PARD3: variants seen among roughly 807,000 people sequenced by gnomAD.
PARD3 encodes the protein partitioning defective 3 homolog.
Under a neutral mutation model 155.4 loss-of-function variants are expected in PARD3, and 75 were observed. The ratio of observed to expected loss-of-function variants is 0.48; its 90% CI spans 0.40 to 0.58. PARD3 has a LOEUF of 0.58. Ranked by LOEUF, PARD3 falls within the 20% of genes least tolerant of loss-of-function variation. The pLI, the probability that PARD3 is intolerant of heterozygous loss-of-function variation, is 0.00. For synonymous variants in PARD3, 576 were observed against 610.5 expected, an observed-to-expected ratio of 0.94 and a Z score of 0.83; for missense variants, 1,642 against 1,721.7, an observed-to-expected ratio of 0.95 and a Z score of 0.82.
intron 3 of PARD3, among the ~76,000 whole-genome samples, chr10:34,477,352 G>T (rs894362464): frequency 6.6e-6 from 1 of 152,162 alleles, no homozygotes; most frequent in Non-Finnish European, 1.5e-5. Context: ...CAAAGACAAG[G>T]ATCTTCAATA....
chr10:34,785,483 C>T (rs927126179), intron 1 of PARD3, among the ~76,000 whole-genome samples: 2 of 151,984 alleles, frequency 1.3e-5, no homozygotes, highest in East Asian at 1.9e-4. Flanking sequence ...CAGTGGCTCA[C>T]GTCTGTAATC....
intron 2 of PARD3, among the ~76,000 whole-genome samples, chr10:34,560,580 G>C (rs1448784150): frequency 6.6e-6 from 1 of 152,174 alleles, no homozygotes; most frequent in African/African-American, 2.4e-5. Flanking sequence ...TTTACTAAAT[G>C]TCTGTAATAT....
At chr10:34,762,298 G>C (rs371741130) in intron 1 of PARD3, among the ~76,000 whole-genome samples, 1 of 129,124 alleles carries the variant, frequency 7.7e-6, no homozygotes, top group Non-Finnish European at 1.7e-5. Flanking sequence ...GACAGAGAGA[G>C]AGAGAGAGAG....
intron 20 of PARD3, among the ~76,000 whole-genome samples, chr10:34,293,433 T>C (rs1040782923): frequency 2.6e-5 from 4 of 152,146 alleles, no homozygotes; most frequent in African/African-American, 9.7e-5. Context: ...TCACATTATA[T>C]TTCTGTTTCT....
At chr10:34,750,030 T>TAC (rs71984849) in intron 1 of PARD3, among the ~76,000 whole-genome samples, 9,244 of 140,630 alleles carry the variant, frequency 0.066, 319 homozygotes, top group Middle Eastern at 0.086. Context: ...TCAAAAAAAG[T>TAC]ACACACACAC....
intron 22 of PARD3, among the ~76,000 whole-genome samples, chr10:34,259,631 T>A (rs889745730): frequency 2.0e-5 from 3 of 152,128 alleles, no homozygotes; most frequent in Non-Finnish European, 2.9e-5. Flanking sequence ...AATTAGGGCG[T>A]GGGCATCTTT....
chr10:34,221,080 G>A (rs1347405962), intron 22 of PARD3, among the ~76,000 whole-genome samples: 2 of 152,198 alleles, frequency 1.3e-5, no homozygotes, highest in African/African-American at 2.4e-5. Context: ...GACCTCCTCC[G>A]TGGGTGTGCA....
intron 22 of PARD3, among the ~76,000 whole-genome samples, chr10:34,261,132 T>A (rs1354405472): frequency 6.6e-6 from 1 of 152,164 alleles, no homozygotes; most frequent in Non-Finnish European, 1.5e-5. Context: ...CCATTATATT[T>A]GAGGACAATG....
chr10:34,684,061 C>T lies in PARD3; in HGVS notation c.222+12257G>A, dbSNP rs535534884. On this transcript the variant is annotated intron_variant, in intron 2 of 24. Coordinates refer to ENST00000374788, the MANE Select transcript of PARD3 (RefSeq NM_001184785.2). The stretch of plus-strand genomic sequence containing the variant: ...CAATTTATACAAGTTATTTCATTTC[C>T]AGGTTATCAAAATCTTTAAATCATT... Among the ~76,000 whole-genome samples, 64 of 152,214 alleles carry T rather than the reference C, an allele frequency of 4.2e-4. 1 individual carries two copies. The South Asian group carries it at 0.01, about 24-fold the overall frequency.
intron 1 of PARD3, among the ~76,000 whole-genome samples, chr10:34,801,647 A>G (rs932072859): frequency 3.9e-5 from 6 of 152,200 alleles, no homozygotes; most frequent in East Asian, 1.9e-4. Context: ...TAGCCAAACT[A>G]AAGTATTAAA....
At chr10:34,655,607 C>T (rs532774808) in intron 2 of PARD3, among the ~76,000 whole-genome samples, 2 of 152,222 alleles carry the variant, frequency 1.3e-5, no homozygotes, top group East Asian at 3.9e-4. Flanking sequence ...CTACCAACCC[C>T]GCAGAAGAGG....
chr10:34,553,815 C>T (rs949197696), intron 2 of PARD3, among the ~76,000 whole-genome samples: 2 of 152,142 alleles, frequency 1.3e-5, no homozygotes, highest in Non-Finnish European at 2.9e-5. Flanking sequence ...ACACTTAACC[C>T]AACCTTACAA....
intron 22 of PARD3, among the ~76,000 whole-genome samples, chr10:34,159,821 G>T (rs1000027913): frequency 2.0e-5 from 3 of 152,218 alleles, no homozygotes; most frequent in Non-Finnish European, 4.4e-5. Context: ...GAAAGCTTAA[G>T]TAACTTGCCC....
chr10:34,486,960 C>T (rs2079517822), intron 3 of PARD3, among the ~76,000 whole-genome samples: 2 of 152,250 alleles, frequency 1.3e-5, no homozygotes, highest in South Asian at 2.1e-4. Flanking sequence ...TATTCTCTCT[C>T]TCCAGGCCTG....
chr10:34,760,282 A>G (rs1483644532), intron 1 of PARD3, among the ~76,000 whole-genome samples: 6 of 152,244 alleles, frequency 3.9e-5, no homozygotes, highest in Admixed American at 2.0e-4. Context: ...TTGGCCTCCA[A>G]AAGTGCTGCG....
At chr10:34,381,109 G>T (rs1450876294) in intron 9 of PARD3, among the ~76,000 whole-genome samples, 1 of 152,112 alleles carries the variant, frequency 6.6e-6, no homozygotes, top group Admixed American at 6.5e-5. Context: ...GAAACTTGAG[G>T]TTCACATAAA....
chr10:34,587,217 G>C (rs1229442559), intron 2 of PARD3, among the ~76,000 whole-genome samples: 1 of 151,990 alleles, frequency 6.6e-6, no homozygotes. Context: ...TCCACCTCCC[G>C]AGTTCAAGCA....
Position 34,139,934 on chromosome 10 carries a change from T to C in PARD3, c.3420-8351A>G, listed in dbSNP as rs71495067. Among the ~76,000 whole-genome samples the C allele has an allele frequency of 8.0e-3, 1,219 of 152,346 alleles. 6 individuals carry two copies. The highest frequency in any genetic ancestry group is 0.013 in the Admixed American group (199 of 15,300). On this transcript the variant is annotated intron_variant, in intron 22 of 24. Transcript: ENST00000374788. ...CAACCTGCTTCCCACTTAGATATTT[T>C]TCTATACTGATTAGCAATTCCATAA...
rs951266201 is a variant in PARD3 at position 34,688,664 on chromosome 10, A to G, written c.222+7654T>C. 3.9e-5 allele frequency among the ~76,000 whole-genome samples: 6 copies of G among 152,294 alleles called. No homozygotes were observed. The South Asian group carries it at 8.3e-4, about 21-fold the overall frequency. ...TACTCCAAGGGGCCAGGGTAATATA[A>G]TAGTACCATTTGAACAAATTTGGGT... On this transcript the variant is annotated intron_variant, in intron 2 of 24. Coordinates refer to ENST00000374788, the MANE Select transcript of PARD3 (RefSeq NM_001184785.2).
Sources: allele counts gnomAD v4.1 joint callset (sites outside exome capture counted in the v4.1 genomes callset), GRCh38; gene constraint gnomAD v4.1.1; transcripts MANE v1.5; gene names NCBI Gene and HGNC (gene_info 2026-07-23, HGNC 2026-07-21).